SLC9A8: variants seen among roughly 807,000 people sequenced by gnomAD.
The protein encoded by SLC9A8 is solute carrier family 9 member A8.
In SLC9A8, 48 loss-of-function variants were observed where a neutral mutation model predicts 66.6. The observed-to-expected ratio is 0.72, with a 90% CI of 0.57 to 0.92. The LOEUF is 0.92. SLC9A8 is among the 40% of genes least tolerant of loss of function. The pLI, the probability that SLC9A8 is intolerant of heterozygous loss-of-function variation, is 0.00. For missense variants in SLC9A8, 599 were observed against 747.3 expected, an observed-to-expected ratio of 0.80 and a Z score of 2.31; for synonymous variants, 274 against 282.6, an observed-to-expected ratio of 0.97 and a Z score of 0.31.
rs117664257 is a variant in SLC9A8 at position 49,826,935 on chromosome 20, A to C, written c.289+3794A>C. ...CTTTCCATGTATTAGTTGAGTTCACATATTTATTTATTTATCTTTTTTTTT... is the reference window on the plus strand; with the variant it reads ...CTTTCCATGTATTAGTTGAGTTCACCTATTTATTTATTTATCTTTTTTTTT... On this transcript the variant is annotated intron_variant, in intron 3 of 15. Coordinates refer to ENST00000361573, the MANE Select transcript of SLC9A8 (RefSeq NM_015266.3). 5.8e-3 allele frequency among the ~76,000 whole-genome samples: 875 copies of C among 151,388 alleles called. 1 individual carries two copies. The highest frequency in any genetic ancestry group is 8.6e-3 in the Non-Finnish European group (583 of 67,828).
At chr20:49,818,403 T>C (rs2086628626) in intron 2 of SLC9A8, among the ~76,000 whole-genome samples, 1 of 152,202 alleles carries the variant, frequency 6.6e-6, no homozygotes, top group Non-Finnish European at 1.5e-5. Context: ...GAATGATGCT[T>C]TCTTTTTAAG....
chr20:49,828,758 T>C (rs2087028819), intron 3 of SLC9A8, among the ~76,000 whole-genome samples: 1 of 151,488 alleles, frequency 6.6e-6, no homozygotes, highest in Admixed American at 6.6e-5. Context: ...AGAATCACTT[T>C]ACTCCGGTAG....
At chr20:49,874,601 C>G (rs1278105280) in intron 10 of SLC9A8, 104 bp from the exon 11 acceptor site, 6 of 755,772 alleles carry the variant, frequency 7.9e-6, no homozygotes, top group African/African-American at 7.0e-5. Flanking sequence ...TTTCCTTTTT[C>G]TTAAACCCTC....
chr20:49,839,724 AT>A, intron 4 of SLC9A8, 125 bp downstream of exon 4: 2 of 492,910 alleles, frequency 4.1e-6, no homozygotes, highest in Non-Finnish European at 7.0e-6. Flanking sequence ...TTACTTTTTA[AT>A]TTTTTTATTA....
intron 13 of SLC9A8, among the ~76,000 whole-genome samples, chr20:49,882,363 G>A (rs1360757786): frequency 6.6e-6 from 1 of 152,196 alleles, no homozygotes; most frequent in Non-Finnish European, 1.5e-5. Context: ...CCTTCCCACT[G>A]CCCCTACCTT....
intron 11 of SLC9A8, among the ~76,000 whole-genome samples, chr20:49,875,773 C>T (rs1305027024): frequency 6.6e-6 from 1 of 151,558 alleles, no homozygotes; most frequent in Non-Finnish European, 1.5e-5. Flanking sequence ...CTTGCTGTGT[C>T]GCCCAGGCTG....
intron 13 of SLC9A8, 22 bp from the exon 14 acceptor site, chr20:49,883,824 C>G: frequency 2.5e-6 from 4 of 1,590,426 alleles, no homozygotes; most frequent in Non-Finnish European, 3.4e-6. Flanking sequence ...TGTGTCCTCT[C>G]ACACTGTTTG....
chr20:49,854,781 C>T (rs982406507), intron 7 of SLC9A8, among the ~76,000 whole-genome samples: 1 of 152,084 alleles, frequency 6.6e-6, no homozygotes, highest in African/African-American at 2.4e-5. Flanking sequence ...GTTGAGTCAC[C>T]GTATGTGAAG....
intron 3 of SLC9A8, among the ~76,000 whole-genome samples, chr20:49,834,214 T>TATATATATACAC (rs1479055075): frequency 3.6e-5 from 4 of 112,144 alleles, no homozygotes; most frequent in African/African-American, 1.5e-4. Context: ...TATATATATA[T>TATATATATACAC]ACACACACAC....
chr20:49,815,814 TGCAGGGGATGAAGGA>T lies in SLC9A8; in HGVS notation c.208+633_208+647del, dbSNP rs2086529755. On this transcript the variant is annotated intron_variant, in intron 2 of 15. Transcript: ENST00000361573. ...TTCTACTCAAAGGAGTATGCACCTG[TGCAGGGGATGAAGGA>T]GCAGGGGGTGGGGTGGCAGGAGGTG... Among the ~76,000 whole-genome samples, 4 of 151,654 alleles carry T rather than the reference TGCAGGGGATGAAGGA, an allele frequency of 2.6e-5. No homozygotes were observed. The South Asian group carries it at 8.3e-4, about 32-fold the overall frequency.
At chr20:49,881,181 A>T (rs1334302322) in intron 13 of SLC9A8, 146 bp downstream of exon 13, 1 of 630,114 alleles carries the variant, frequency 1.6e-6, no homozygotes, top group Non-Finnish European at 2.9e-6. Flanking sequence ...TGCAATCAAG[A>T]TGGTGCCCCT....
intron 7 of SLC9A8, among the ~76,000 whole-genome samples, chr20:49,851,506 A>G: frequency 6.6e-6 from 1 of 152,226 alleles, no homozygotes; most frequent in Non-Finnish European, 1.5e-5. Context: ...AGCCTTGCTC[A>G]GTGTGTCTGC....
chr20:49,855,493 T>G lies in SLC9A8; in HGVS notation c.625T>G (p.Phe209Val). Residue 209 changes from phenylalanine (F) to valine (V), a missense_variant, in exon 8 of 16, where the codon TTC becomes GTC. Physicochemically the swap from Phe to Val is conservative, Grantham distance 50. Coordinates refer to ENST00000361573, the MANE Select transcript of SLC9A8 (RefSeq NM_015266.3). ...CGATCCAGTGGCCACTATTGCCATTTTCAATGCACTTCATGTGGACCCCGT... is the reference window on the plus strand; with the variant it reads ...CGATCCAGTGGCCACTATTGCCATTGTCAATGCACTTCATGTGGACCCCGT... ...AVDPVATIAIFNALHVDPVLN... is the reference protein window; with the variant it reads ...AVDPVATIAIVNALHVDPVLN... 6.2e-7 allele frequency: 1 copy of G among 1,614,220 alleles called. No homozygotes were observed.
At chr20:49,883,603 T>A (rs1276638205) in intron 13 of SLC9A8, among the ~76,000 whole-genome samples, 1 of 152,210 alleles carries the variant, frequency 6.6e-6, no homozygotes, top group Non-Finnish European at 1.5e-5. Flanking sequence ...TCTGGGGCTC[T>A]GTAGCTGGGG....
At chr20:49,822,970 C>CT in intron 2 of SLC9A8, 91 bp from the exon 3 acceptor site, 1 of 1,017,160 alleles carries the variant, frequency 9.8e-7, no homozygotes. Context: ...TGTGAGGACC[C>CT]CCCCAGAAAT....
rs1192517246 is a variant in SLC9A8, at chr20:49,834,420, GTATATATATACTGTATATA to G, written c.290-5095_290-5077del. 1.2e-3 allele frequency among the ~76,000 whole-genome samples: 37 copies of G among 30,500 alleles called. 4 individuals are homozygous for G. Among genetic ancestry groups the G allele is most frequent in the East Asian group, 7.8e-3 (19 of 2,424 alleles). The allele number at this position is 30,500 out of a possible 152,430, so 20.0% of individuals were successfully genotyped here. The stretch of plus-strand genomic sequence containing the variant: ...TATATACTGTGTATATATATATACT[GTATATATATACTGTATATA>G]TATATATATACTGTATATATATATA... On this transcript the variant is annotated intron_variant, in intron 3 of 15. Transcript: ENST00000361573.
intron 3 of SLC9A8, chr20:49,829,060 C>T (rs2087052291): frequency 2.0e-5 from 3 of 148,696 alleles, no homozygotes; most frequent in Admixed American, 1.3e-4. Flanking sequence ...ACTTTGTAAC[C>T]TGATTATTAA....
chr20:49,852,396 T>C (rs1042071547), intron 7 of SLC9A8, among the ~76,000 whole-genome samples: 1 of 152,214 alleles, frequency 6.6e-6, no homozygotes, highest in Admixed American at 6.5e-5. Context: ...ACAAATACCA[T>C]GCAGACCAAA....
chr20:49,850,944 C>T (rs1269401975), intron 7 of SLC9A8, 100 bp downstream of exon 7: 3 of 743,476 alleles, frequency 4.0e-6, no homozygotes, highest in Non-Finnish European at 6.4e-6. Flanking sequence ...TATTCTCTCT[C>T]TGTGTATTTA....
Sources: gnomAD v4.1 joint callset for allele counts (sites outside exome capture counted in the v4.1 genomes callset) on GRCh38, gnomAD v4.1.1 for gene constraint, MANE v1.5 for transcripts, NCBI Gene and HGNC (gene_info 2026-07-23, HGNC 2026-07-21) for gene names.